CDKL1: variants seen among roughly 807,000 people sequenced by gnomAD.
The protein encoded by CDKL1 is cyclin dependent kinase like 1.
A neutral mutation model predicts 42.0 loss-of-function variants in CDKL1; 41 were observed. That is an observed-to-expected ratio of 0.98 (90% CI 0.76 to 1.27). The LOEUF is 1.27. CDKL1 is among the 50% of genes most tolerant of loss of function. CDKL1 has a pLI of 0.00. For synonymous variants in CDKL1, 153 were observed against 158.6 expected (o/e 0.96, Z 0.26); for missense variants, 394 against 428.4 (o/e 0.92, Z 0.71).
chr14:50,396,059 G>T lies in CDKL1; in HGVS notation c.-191C>A, dbSNP rs2035392638. 3.7e-6 allele frequency: 4 copies of T among 1,067,632 alleles called. No individual in the cohort carries two copies. The highest frequency in any genetic ancestry group is 3.4e-5 in the South Asian group (2 of 58,068). The allele number at this position is 1,067,632 out of a possible 1,614,324, so 66.1% of individuals were successfully genotyped here. ...AAATTAGCCGGGTGTGGTGATGGGCGCCCGTAGTCCCAGCAACTCAGGAGA... is the reference window on the plus strand; with the variant it reads ...AAATTAGCCGGGTGTGGTGATGGGCTCCCGTAGTCCCAGCAACTCAGGAGA... On this transcript the variant is annotated 5_prime_UTR_variant, in exon 2 of 10. Coordinates refer to ENST00000395834, the MANE Select transcript of CDKL1 (RefSeq NM_004196.7).
chr14:50,372,942 A>C (rs926024793), intron 2 of CDKL1, among the ~76,000 whole-genome samples: 4 of 151,002 alleles, frequency 2.6e-5, no homozygotes, highest in African/African-American at 9.7e-5. Flanking sequence ...CTATATTTTT[A>C]TAAAATAGTT....
At position 50,326,620 on chromosome 14, in the gene CDKL1, C is replaced by G. The variant is rs1011183128; in HGVS notation, c.*3454G>C. 2 of 985,286 alleles carry G rather than the reference C, an allele frequency of 2.0e-6. No individual in the cohort carries two copies. Among genetic ancestry groups the G allele is most frequent in the African/African-American group, 1.7e-5 (1 of 57,242 alleles). The allele number at this position is 985,286 out of a possible 1,614,324, so 61.0% of individuals were successfully genotyped here. A position where few individuals can be genotyped will look rare whatever the true frequency, so the allele number is the denominator to read the frequency against. ...CTGCTTAATTTGTCTATTTTGTAAGCTTAGGCTACTATTTTATTAAAACTG... is the reference window on the plus strand; with the variant it reads ...CTGCTTAATTTGTCTATTTTGTAAGGTTAGGCTACTATTTTATTAAAACTG... On this transcript the variant is annotated 3_prime_UTR_variant, in exon 10 of 10. Coordinates refer to ENST00000395834, the MANE Select transcript of CDKL1 (RefSeq NM_004196.7).
At chr14:50,335,700 A>C in intron 7 of CDKL1, 1 of 1,465,382 alleles carries the variant, frequency 6.8e-7, no homozygotes, top group Middle Eastern at 1.8e-4. Context: ...ACTGCAGTGC[A>C]TTGTGTGTAT....
intron 2 of CDKL1, among the ~76,000 whole-genome samples, chr14:50,369,635 C>CACAT (rs1491492490): frequency 1.3e-4 from 14 of 111,684 alleles, no homozygotes; most frequent in South Asian, 2.6e-4. Context: ...CACACACACA[C>CACAT]ATATATATAT....
At chr14:50,390,903 C>T (rs181483592) in intron 2 of CDKL1, among the ~76,000 whole-genome samples, 5 of 152,190 alleles carry the variant, frequency 3.3e-5, no homozygotes, top group African/African-American at 7.2e-5. Context: ...GCACAAATCA[C>T]GGCTCACTGC....
At chr14:50,355,514 ATTC>A (rs2034029592) in intron 3 of CDKL1, among the ~76,000 whole-genome samples, 1 of 152,236 alleles carries the variant, frequency 6.6e-6, no homozygotes, top group Non-Finnish European at 1.5e-5. Flanking sequence ...TGTTATGATT[ATTC>A]TTCTTTAAAA....
chr14:50,395,643 G>T, intron 2 of CDKL1, 58 bp downstream of exon 2: 1 of 1,204,384 alleles, frequency 8.3e-7, no homozygotes, highest in Non-Finnish European at 1.2e-6. Context: ...CTCCAGCCTG[G>T]GAGACAGAGT....
In CDKL1 at chr14:50,332,405, T is replaced by A. The variant is rs1320978904; in HGVS notation, c.823A>T (p.Arg275Trp). The A allele has an allele frequency of 6.2e-6, 10 of 1,613,920 alleles. No individual in the cohort carries two copies. Among genetic ancestry groups the A allele is most frequent in the Non-Finnish European group, 7.6e-6 (9 of 1,179,968 alleles). Reference protein sequence around the residue: ...KGCLHMDPTQRLTCEQLLHHP... With the variant: ...KGCLHMDPTQWLTCEQLLHHP... ...TGCAACAGCTGTTCACATGTCAGCCTTTGAGTAGGGTCCATGTGGAGACAG... is the reference window on the plus strand; with the variant it reads ...TGCAACAGCTGTTCACATGTCAGCCATTGAGTAGGGTCCATGTGGAGACAG... The change falls in exon 9 of 10, where the codon AGG becomes TGG. Residue 275 changes from arginine (R) to tryptophan (W), a missense_variant. Coordinates refer to ENST00000395834, the MANE Select transcript of CDKL1 (RefSeq NM_004196.7).
intron 2 of CDKL1, among the ~76,000 whole-genome samples, chr14:50,394,213 A>G (rs976055337): frequency 6.6e-6 from 1 of 152,238 alleles, no homozygotes; most frequent in Non-Finnish European, 1.5e-5. Context: ...CTCCCCTGGG[A>G]AAGCCTGAGG....
chr14:50,392,854 A>T (rs2035298701), intron 2 of CDKL1, among the ~76,000 whole-genome samples: 1 of 152,118 alleles, frequency 6.6e-6, no homozygotes, highest in Admixed American at 6.5e-5. Context: ...CACAGTGAAC[A>T]ATCTCCTCAT....
intron 3 of CDKL1, among the ~76,000 whole-genome samples, chr14:50,356,409 T>C (rs1250722160): frequency 6.6e-6 from 1 of 152,236 alleles, no homozygotes; most frequent in African/African-American, 2.4e-5. Context: ...TATTTTATAG[T>C]ATGATGTCTC....
intron 8 of CDKL1, chr14:50,333,906 T>G (rs909473033): frequency 8.0e-5 from 12 of 150,588 alleles, no homozygotes; most frequent in African/African-American, 2.2e-4. Flanking sequence ...TATATAAATA[T>G]ATATATCAAG....
chr14:50,371,005 A>T (rs1450787101), intron 2 of CDKL1, among the ~76,000 whole-genome samples: 1 of 152,054 alleles, frequency 6.6e-6, no homozygotes, highest in African/African-American at 2.4e-5. Flanking sequence ...GAACATGTGC[A>T]TTTTTCTTTC....
At position 50,354,144 on chromosome 14, in the gene CDKL1, G is replaced by A. The variant is rs1350734020; in HGVS notation, c.290+4884C>T. On this transcript the variant is annotated intron_variant, in intron 3 of 9. Coordinates refer to ENST00000395834, the MANE Select transcript of CDKL1 (RefSeq NM_004196.7). ...TAATTTTTGTATTTTTAGTAGAGACGGGGTTTCACCATGTTGGCCAGGCTG... is the reference window on the plus strand; with the variant it reads ...TAATTTTTGTATTTTTAGTAGAGACAGGGTTTCACCATGTTGGCCAGGCTG... Among the ~76,000 whole-genome samples the A allele has an allele frequency of 4.0e-5, 6 of 151,828 alleles. No individual in the cohort carries two copies. In the East Asian group the frequency reaches 7.8e-4, roughly 20 times the overall value.
chr14:50,328,736 T>G lies in CDKL1; in HGVS notation c.*1338A>C, dbSNP rs1303999941. 6.6e-6 allele frequency: 1 copy of G among 152,082 alleles called. No homozygotes were observed. Among genetic ancestry groups the G allele is most frequent in the East Asian group, 1.9e-4 (1 of 5,184 alleles). The allele number at this position is 152,082 out of a possible 1,614,324, so 9.4% of individuals were successfully genotyped here. A position where few individuals can be genotyped will look rare whatever the true frequency, so the allele number is the denominator to read the frequency against. ...CAGGCGCAGTGGCTCATGCCTGTAA[T>G]GCCAGCACTTTGGAAGGCCAAGGCG... On this transcript the variant is annotated 3_prime_UTR_variant, in exon 10 of 10. Transcript: ENST00000395834.
chr14:50,341,536 T>C (rs11625524), intron 5 of CDKL1, among the ~76,000 whole-genome samples: 68,926 of 148,332 alleles, frequency 0.46, 16,633 homozygotes, highest in East Asian at 0.8. Flanking sequence ...CCCAGCACTT[T>C]GGGAGGCCGA....
Position 50,374,468 on chromosome 14 carries a change from G to C in CDKL1, c.169-15319C>G, listed in dbSNP as rs1313507253. Among the ~76,000 whole-genome samples, 4 of 152,206 alleles carry C rather than the reference G, an allele frequency of 2.6e-5. No individual in the cohort carries two copies. In the East Asian group the frequency reaches 7.7e-4, roughly 29 times the overall value. On this transcript the variant is annotated intron_variant, in intron 2 of 9. Transcript: ENST00000395834. Reference sequence around the variant, plus strand: ...TTGGGGAATCCTAGGATAGAACAAAGACTGTGACAAAAAGAATCTAACTAT... The same window carrying C: ...TTGGGGAATCCTAGGATAGAACAAACACTGTGACAAAAAGAATCTAACTAT...
chr14:50,374,460 A>G (rs2034673862), intron 2 of CDKL1, among the ~76,000 whole-genome samples: 1 of 152,262 alleles, frequency 6.6e-6, no homozygotes, highest in Non-Finnish European at 1.5e-5. Flanking sequence ...ATCCTAGGAT[A>G]GAACAAAGAC....
intron 4 of CDKL1, among the ~76,000 whole-genome samples, chr14:50,344,464 T>G (rs1159295026): frequency 8.6e-6 from 1 of 116,550 alleles, no homozygotes. Context: ...TTTTGTTCTT[T>G]GTGGTTTTTT....
Sources: gnomAD v4.1 joint callset for allele counts (sites outside exome capture counted in the v4.1 genomes callset) on GRCh38, gnomAD v4.1.1 for gene constraint, MANE v1.5 for transcripts, NCBI Gene and HGNC (gene_info 2026-07-23, HGNC 2026-07-21) for gene names.